The following WDSUB1 variants were observed in gnomAD, a reference collection of about 807,000 sequenced individuals.
The protein encoded by WDSUB1 is WD repeat, SAM and U-box domain-containing protein 1.
A neutral mutation model predicts 53.9 loss-of-function variants in WDSUB1; 49 were observed. The observed-to-expected ratio is 0.91, with a 90% CI of 0.72 to 1.15. WDSUB1 has a LOEUF of 1.15. Ranked by LOEUF, WDSUB1 falls within the 50% of genes most tolerant of loss-of-function variation. The pLI, the probability that WDSUB1 is intolerant of heterozygous loss-of-function variation, is 0.00. For synonymous variants in WDSUB1, 194 were observed against 200.6 expected (o/e 0.97, Z 0.28); for missense variants, 514 against 562.0 (o/e 0.91, Z 0.86).
At chr2:159,238,929 T>C (rs2060564667) in intron 10 of WDSUB1, among the ~76,000 whole-genome samples, 1 of 152,246 alleles carries the variant, frequency 6.6e-6, no homozygotes, top group Non-Finnish European at 1.5e-5. Context: ...CCTGCCATTA[T>C]ACTTTCACAG....
At chr2:159,279,559 AG>A (rs2061608220) in intron 3 of WDSUB1, among the ~76,000 whole-genome samples, 1 of 152,210 alleles carries the variant, frequency 6.6e-6, no homozygotes, top group African/African-American at 2.4e-5. Context: ...CCAAAAAAAA[AG>A]AATGCAATTT....
chr2:159,272,954 G>A (rs76928650), intron 4 of WDSUB1, among the ~76,000 whole-genome samples: 1,695 of 152,206 alleles, frequency 0.011, 16 homozygotes, highest in Non-Finnish European at 0.015. Flanking sequence ...ATTGGCAGGG[G>A]TTGGGAAAGA....
chr2:159,260,668 G>T, intron 5 of WDSUB1, among the ~76,000 whole-genome samples: 1 of 152,188 alleles, frequency 6.6e-6, no homozygotes. Context: ...CTGGGGTTAT[G>T]CTAGCAAAGA....
chr2:159,278,533 CA>C (rs920834813), intron 3 of WDSUB1, among the ~76,000 whole-genome samples: 14 of 150,772 alleles, frequency 9.3e-5, no homozygotes, highest in African/African-American at 3.4e-4. Flanking sequence ...ATAAAGCATG[CA>C]AAAAAAAGAC....
chr2:159,271,557 G>C (rs1575482158), intron 5 of WDSUB1, 145 bp downstream of exon 5: 2 of 672,440 alleles, frequency 3.0e-6, no homozygotes, highest in East Asian at 5.5e-5. Context: ...CAAGGGGAGG[G>C]CTTCTGGGGC....
intron 5 of WDSUB1, among the ~76,000 whole-genome samples, chr2:159,267,746 TA>T (rs2061373471): frequency 6.6e-6 from 1 of 151,616 alleles, no homozygotes; most frequent in Non-Finnish European, 1.5e-5. Flanking sequence ...CATTCTATCT[TA>T]TCATTGACTT....
intron 9 of WDSUB1, among the ~76,000 whole-genome samples, chr2:159,249,911 C>CAAA (rs370000755): frequency 5.0e-4 from 65 of 131,080 alleles, no homozygotes; most frequent in African/African-American, 5.7e-4. Flanking sequence ...ATTAAAAATA[C>CAAA]AAAAAAAAAA....
In WDSUB1 at chr2:159,271,765, C is replaced by G. The variant is rs200809117; in HGVS notation, c.707G>C (p.Ser236Thr). 9 of 1,614,028 alleles carry G rather than the reference C, an allele frequency of 5.6e-6. No homozygotes were observed. Among genetic ancestry groups the G allele is most frequent in the Non-Finnish European group, 5.9e-6 (7 of 1,179,984 alleles). The change falls in exon 5 of 11, where the codon AGT becomes ACT. Residue 236 changes from serine to threonine, a missense_variant. Physicochemically the swap from Ser to Thr is moderately conservative, Grantham distance 58. Transcript: ENST00000359774. ...GFELKYKSTL[S>T]GHCAPVLACA... ...AGCCAGAACAGGAGCACAGTGCCCA[C>G]TCAGTGTACTTTTATATTTTAATTC...
chr2:159,262,527 A>AC (rs1553456862), intron 5 of WDSUB1, among the ~76,000 whole-genome samples: 1 of 151,966 alleles, frequency 6.6e-6, no homozygotes, highest in Non-Finnish European at 1.5e-5. Flanking sequence ...GGAAAAAAAA[A>AC]CAAAAAACGA....
intron 1 of WDSUB1, among the ~76,000 whole-genome samples, chr2:159,283,331 C>T (rs770470190): frequency 1.9e-4 from 29 of 152,100 alleles, no homozygotes; most frequent in Non-Finnish European, 3.4e-4. Context: ...TCAGATCATC[C>T]GGCATTAGAT....
chr2:159,275,692 CA>C (rs1281735643), intron 3 of WDSUB1, 54 bp from the exon 4 acceptor site: 1 of 1,405,920 alleles, frequency 7.1e-7, no homozygotes, highest in African/African-American at 1.5e-5. Context: ...GAAACCCCCC[CA>C]AAATTCCCAT....
chr2:159,244,203 TACTGGA>T (rs1465547818), intron 10 of WDSUB1, among the ~76,000 whole-genome samples: 1 of 152,124 alleles, frequency 6.6e-6, no homozygotes, highest in Non-Finnish European at 1.5e-5. Flanking sequence ...TTCAACATTG[TACTGGA>T]AATTCTGACC....
chr2:159,259,239 G>T (rs758728921), intron 6 of WDSUB1, among the ~76,000 whole-genome samples: 1 of 152,092 alleles, frequency 6.6e-6, no homozygotes, highest in Non-Finnish European at 1.5e-5. Flanking sequence ...TGGCCAGGCT[G>T]GTCTTAAACT....
At chr2:159,236,273 C>G (rs1329809243) in intron 10 of WDSUB1, 83 bp from the exon 11 acceptor site, 1 of 1,322,798 alleles carries the variant, frequency 7.6e-7, no homozygotes. Context: ...TAAAAACTCC[C>G]TGCAGAGGCC....
intron 9 of WDSUB1, among the ~76,000 whole-genome samples, chr2:159,249,094 A>G (rs1244507957): frequency 2.0e-5 from 3 of 152,260 alleles, no homozygotes; most frequent in Non-Finnish European, 4.4e-5. Context: ...AGGTTGCCAG[A>G]CACTAATATA....
intron 9 of WDSUB1, among the ~76,000 whole-genome samples, chr2:159,252,082 A>T (rs2151078061): frequency 6.6e-6 from 1 of 152,336 alleles, no homozygotes; most frequent in South Asian, 2.1e-4. Flanking sequence ...CCTGACAGAG[A>T]ACAACAGAAC....
At chr2:159,259,661 G>A (rs770261670) in intron 6 of WDSUB1, 149 bp downstream of exon 6, 82 of 844,554 alleles carry the variant, frequency 9.7e-5, no homozygotes, top group African/African-American at 1.6e-4. Context: ...TCTTACTTGC[G>A]TAACTATTTT....
chr2:159,245,218 A>G (rs780544208), intron 10 of WDSUB1, among the ~76,000 whole-genome samples: 2 of 152,206 alleles, frequency 1.3e-5, no homozygotes, highest in Admixed American at 6.5e-5. Context: ...GATTTTCACT[A>G]TCTGACTTCA....
intron 9 of WDSUB1, among the ~76,000 whole-genome samples, chr2:159,249,920 A>AAAAAAG (rs2060908556): frequency 6.7e-6 from 1 of 150,266 alleles, no homozygotes; most frequent in Non-Finnish European, 1.5e-5. Context: ...ACAAAAAAAA[A>AAAAAAG]AAAGAAAGAA....
Sources: allele counts gnomAD v4.1 joint callset (sites outside exome capture counted in the v4.1 genomes callset), GRCh38; gene constraint gnomAD v4.1.1; transcripts MANE v1.5; gene names NCBI Gene and HGNC (gene_info 2026-07-23, HGNC 2026-07-21).